LMLN: variants seen among roughly 807,000 people sequenced by gnomAD.
LMLN encodes the protein leishmanolysin-like peptidase.
In LMLN, 70 loss-of-function variants were observed where a neutral mutation model predicts 92.3. The observed-to-expected ratio is 0.76, with a 90% CI of 0.63 to 0.92. The LOEUF (loss-of-function observed/expected upper bound fraction) is 0.92, where lower values mean the gene tolerates loss of function less well. Among genes scored for constraint, LMLN ranks in the 40% least tolerant of loss-of-function variants. The probability of loss-of-function intolerance (pLI) is 0.00; values close to 1 mark genes in which losing one functional copy is unlikely to be tolerated. For missense variants in LMLN, 691 were observed against 814.6 expected (o/e 0.85, Z 1.85); for synonymous variants, 308 against 296.2 (o/e 1.04, Z -0.41).
rs1721631636 is a variant in LMLN, at chr3:197,984,050, T to C, written c.834+2T>C. On this transcript the variant is annotated splice_donor_variant, in intron 7 of 15. Coordinates refer to ENST00000330198, the Ensembl canonical transcript of LMLN. LOFTEE classifies it high-confidence loss of function. ...AAACATGAGGTTATTCATGCCCTGG[T>C]AAATTCTAGCCTTACTGTTCTTTCC... 2 of 1,583,640 alleles carry C rather than the reference T, an allele frequency of 1.3e-6. No homozygotes were observed. The highest frequency in any genetic ancestry group is 1.7e-6 in the Non-Finnish European group (2 of 1,152,390).
chr3:198,002,930 T>G, intron 11 of LMLN, 85 bp from the exon 12 acceptor site: 1 of 746,144 alleles, frequency 1.3e-6, no homozygotes, highest in East Asian at 2.7e-5. Flanking sequence ...CCTAATGTGC[T>G]CATTGTTGAG....
intron 12 of LMLN, among the ~76,000 whole-genome samples, chr3:198,020,062 T>C (rs1240819170): frequency 6.6e-6 from 1 of 152,184 alleles, no homozygotes; most frequent in Non-Finnish European, 1.5e-5. Context: ...GGTTTCGCCA[T>C]GTTGCCCAAG....
intron 1 of LMLN, 127 bp from the exon 2 acceptor site, chr3:197,974,250 G>A: frequency 1.6e-6 from 1 of 618,158 alleles, no homozygotes; most frequent in South Asian, 2.0e-5. Context: ...TGACACAGTG[G>A]AATATGGGTC....
intron 15 of LMLN, among the ~76,000 whole-genome samples, chr3:198,036,877 C>T (rs956286531): frequency 1.9e-4 from 29 of 152,156 alleles, no homozygotes; most frequent in Admixed American, 1.9e-3. Flanking sequence ...ATTTTCTCAA[C>T]TAGAGGTGTT....
chr3:197,998,791 T>C (rs1256562458), intron 10 of LMLN, among the ~76,000 whole-genome samples: 1 of 152,202 alleles, frequency 6.6e-6, no homozygotes, highest in Non-Finnish European at 1.5e-5. Flanking sequence ...AAGGAAGTCC[T>C]TTTACCCCAT....
At chr3:197,991,593 C>T (rs1234584364) in intron 9 of LMLN, among the ~76,000 whole-genome samples, 3 of 152,110 alleles carry the variant, frequency 2.0e-5, no homozygotes, top group Non-Finnish European at 4.4e-5. Flanking sequence ...TGGGTGATGC[C>T]TACCCACATT....
chr3:197,986,123 G>C (rs775113524), intron 8 of LMLN, among the ~76,000 whole-genome samples: 1 of 152,206 alleles, frequency 6.6e-6, no homozygotes, highest in Non-Finnish European at 1.5e-5. Context: ...TTCTTAAGCT[G>C]ATAATTTGCA....
rs1318049007 is a variant in LMLN at position 197,999,352 on chromosome 3, CTG to C, written c.1232+13_1232+14del. The C allele has an allele frequency of 1.9e-6, 3 of 1,566,812 alleles. No individual in the cohort carries two copies. Among genetic ancestry groups the C allele is most frequent in the Admixed American group, 3.3e-5 (2 of 59,912 alleles). On this transcript the variant is annotated intron_variant, in intron 11 of 15. Coordinates refer to ENST00000330198, the Ensembl canonical transcript of LMLN. ...TAATGGAGGACACTGGGTAAGACAG[CTG>C]TGACAAGAGGATATGAATTGCTTAT...
intron 14 of LMLN, among the ~76,000 whole-genome samples, chr3:198,027,597 G>C (rs551591095): frequency 6.6e-6 from 1 of 152,126 alleles, no homozygotes; most frequent in South Asian, 2.1e-4. Context: ...CTTATAAGTA[G>C]AATCATACCA....
chr3:197,982,657 C>G (rs1721593290), intron 6 of LMLN, among the ~76,000 whole-genome samples: 1 of 152,184 alleles, frequency 6.6e-6, no homozygotes, highest in African/African-American at 2.4e-5. Flanking sequence ...CCTCATGGAA[C>G]TTATGAATTG....
chr3:197,979,255 A>G (rs1581138732), intron 5 of LMLN, among the ~76,000 whole-genome samples: 1 of 152,118 alleles, frequency 6.6e-6, no homozygotes, highest in Non-Finnish European at 1.5e-5. Context: ...TTTTCCCTCT[A>G]CAAGTATTGC....
intron 1 of LMLN, 152 bp downstream of exon 1, chr3:197,960,592 C>A: frequency 2.9e-6 from 2 of 688,556 alleles, no homozygotes; most frequent in Middle Eastern, 3.7e-4. Flanking sequence ...CCGCTCTCAG[C>A]TCCCTACACC....
intron 11 of LMLN, among the ~76,000 whole-genome samples, chr3:198,007,594 ATTAT>A (rs1160744992): frequency 6.6e-6 from 1 of 152,186 alleles, no homozygotes; most frequent in Non-Finnish European, 1.5e-5. Context: ...AATTACTGTA[ATTAT>A]TTAATAAGTC....
intron 11 of LMLN, among the ~76,000 whole-genome samples, chr3:198,000,353 T>TA (rs780469284): frequency 3.0e-4 from 45 of 152,248 alleles, no homozygotes; most frequent in Admixed American, 6.5e-4. Flanking sequence ...GAGGTGCTAT[T>TA]AAAACCATGA....
chr3:198,013,448 G>C (rs1722512698), intron 11 of LMLN, among the ~76,000 whole-genome samples: 1 of 130,098 alleles, frequency 7.7e-6, no homozygotes, highest in Non-Finnish European at 1.6e-5. Flanking sequence ...CCCCTAACTA[G>C]TCTGACTTCT....
chr3:197,965,229 G>A (rs757106182), intron 1 of LMLN, among the ~76,000 whole-genome samples: 1 of 151,964 alleles, frequency 6.6e-6, no homozygotes, highest in Non-Finnish European at 1.5e-5. Flanking sequence ...GTGTTGCCCA[G>A]ATTGGTCTTG....
At chr3:198,013,820 C>G (rs28424006) in intron 11 of LMLN, among the ~76,000 whole-genome samples, 1 of 124,464 alleles carries the variant, frequency 8.0e-6, no homozygotes, top group Non-Finnish European at 1.6e-5. Context: ...CCTAACTAGT[C>G]GGACTTCTCT....
chr3:197,987,410 C>T (rs1488473737), intron 8 of LMLN, among the ~76,000 whole-genome samples: 1 of 152,042 alleles, frequency 6.6e-6, no homozygotes, highest in Admixed American at 6.6e-5. Flanking sequence ...CCACCCCTCT[C>T]GGCCTCCCAA....
intron 12 of LMLN, among the ~76,000 whole-genome samples, chr3:198,021,122 CTG>C (rs370459545): frequency 6.6e-6 from 1 of 152,130 alleles, no homozygotes; most frequent in East Asian, 1.9e-4. Context: ...TGCATTAGTT[CTG>C]TGTTTTGTCA....
Sources: allele counts gnomAD v4.1 joint callset (sites outside exome capture counted in the v4.1 genomes callset), GRCh38; gene constraint gnomAD v4.1.1; transcripts MANE v1.5; gene names NCBI Gene and HGNC (gene_info 2026-07-23, HGNC 2026-07-21).